PALM: variants seen among roughly 807,000 people sequenced by gnomAD.
The protein encoded by PALM is paralemmin.
A neutral mutation model predicts 30.7 loss-of-function variants in PALM; 18 were observed. That is an observed-to-expected ratio of 0.59 (90% confidence interval 0.41 to 0.87). The LOEUF (loss-of-function observed/expected upper bound fraction) is 0.87. Ranked by LOEUF, PALM falls within the 40% of genes least tolerant of loss-of-function variation. The pLI, the probability that PALM is intolerant of heterozygous loss-of-function variation, is 0.00. For synonymous variants in PALM, 286 were observed against 242.8 expected (o/e 1.18, Z -1.66); for missense variants, 529 against 555.4 (o/e 0.95, Z 0.48).
chr19:716,425 AAG>A (rs908772014), intron 1 of PALM, among the ~76,000 whole-genome samples: 1 of 151,500 alleles, frequency 6.6e-6, no homozygotes, highest in Non-Finnish European at 1.5e-5. Context: ...AAAAAAAAAA[AAG>A]AAAGTTTAGA....
In PALM at chr19:733,732, A is replaced by T. The variant is rs75378919; in HGVS notation, c.421-441A>T. Among the ~76,000 whole-genome samples, 2,992 of 152,294 alleles carry T rather than the reference A, an allele frequency of 0.02. 237 individuals carry two copies. The East Asian group carries it at 0.28, about 14-fold the overall frequency. ...AGCGGACGTGGTGGCTCAGCCTGTA[A>T]TCCCGGCACTTTGGGAGGCCGAGGT... is the stretch of plus-strand genomic sequence containing the variant. On this transcript the variant is annotated intron_variant, in intron 5 of 8. Coordinates refer to ENST00000338448, the MANE Select transcript of PALM (RefSeq NM_002579.3).
Position 731,550 on chromosome 19 carries a change from A to AGC in PALM, c.420+305_420+306insGC, listed in dbSNP as rs144044945. Among the ~76,000 whole-genome samples the AGC allele has an allele frequency of 5.0e-4, 60 of 119,030 alleles. 1 individual carries two copies. Among genetic ancestry groups the AGC allele is most frequent in the Middle Eastern group, 4.4e-3 (1 of 228 alleles). 78.1% of individuals were successfully genotyped at this position (119,030 alleles called of 152,430 possible). A position where few individuals can be genotyped will look rare whatever the true frequency, so the allele number is the denominator to read the frequency against. On this transcript the variant is annotated intron_variant, in intron 5 of 8. Transcript: ENST00000338448. ...CTGGGGGCATCAGAAGGGCTCAGGG[A>AGC]AGCAGGAGACCCACCTGGGGGCATC...
chr19:713,667 C>T (rs182202717), intron 1 of PALM, among the ~76,000 whole-genome samples: 1 of 152,066 alleles, frequency 6.6e-6, no homozygotes, highest in African/African-American at 2.4e-5. Flanking sequence ...CAACCTCTGC[C>T]TCCTGGGTTC....
At chr19:716,050 C>T (rs1396808209) in intron 1 of PALM, among the ~76,000 whole-genome samples, 1 of 152,010 alleles carries the variant, frequency 6.6e-6, no homozygotes, top group Non-Finnish European at 1.5e-5. Flanking sequence ...ACAGTCAGAG[C>T]CAGTCACCAG....
At chr19:733,208 G>A (rs2032924537) in intron 5 of PALM, among the ~76,000 whole-genome samples, 1 of 152,212 alleles carries the variant, frequency 6.6e-6, no homozygotes, top group Non-Finnish European at 1.5e-5. Context: ...TTAGAGGCAT[G>A]AGCCACCGTG....
intron 1 of PALM, among the ~76,000 whole-genome samples, chr19:710,838 G>A (rs1182856961): frequency 6.6e-5 from 10 of 152,330 alleles, no homozygotes; most frequent in South Asian, 4.1e-4. Flanking sequence ...GCTGTGAGCC[G>A]CCATTCGAGG....
intron 2 of PALM, 104 bp from the exon 3 acceptor site, chr19:726,904 C>G (rs576698390): frequency 1.4e-6 from 1 of 728,474 alleles, no homozygotes; most frequent in Non-Finnish European, 2.3e-6. Flanking sequence ...CGAGGATCCC[C>G]GGACAGAGGA....
intron 1 of PALM, among the ~76,000 whole-genome samples, chr19:720,097 G>T (rs1016240978): frequency 6.6e-6 from 1 of 151,836 alleles, no homozygotes; most frequent in Non-Finnish European, 1.5e-5. Context: ...CAGCGCGGGG[G>T]AGAAATTCCC....
chr19:722,070 C>G (rs1421231865), intron 1 of PALM, among the ~76,000 whole-genome samples: 2 of 152,144 alleles, frequency 1.3e-5, no homozygotes, highest in East Asian at 3.8e-4. Context: ...AGGCACCCGC[C>G]ACCACGCCGG....
At chr19:745,236 T>C (rs1218421062) in intron 8 of PALM, among the ~76,000 whole-genome samples, 2 of 152,154 alleles carry the variant, frequency 1.3e-5, no homozygotes, top group Non-Finnish European at 2.9e-5. Context: ...GGTCCTGTCT[T>C]GTAGAAGAGA....
intron 1 of PALM, among the ~76,000 whole-genome samples, chr19:714,283 G>A (rs1043998181): frequency 4.7e-5 from 7 of 148,810 alleles, no homozygotes; most frequent in South Asian, 2.1e-4. Context: ...AAAGTGATCC[G>A]CCCACCTCGG....
chr19:734,423 G>A (rs561390964), intron 6 of PALM: 2 of 556,548 alleles, frequency 3.6e-6, no homozygotes, highest in Non-Finnish European at 3.2e-6. Flanking sequence ...CAATTAGCCG[G>A]GTGTGGTGGC....
chr19:729,077 A>C (rs2032785328), intron 4 of PALM, among the ~76,000 whole-genome samples: 1 of 152,072 alleles, frequency 6.6e-6, no homozygotes, highest in Non-Finnish European at 1.5e-5. Context: ...CTGTAATGCC[A>C]GCACTTTGGG....
At chr19:726,453 G>A (rs55844060) in intron 2 of PALM, among the ~76,000 whole-genome samples, 2 of 152,242 alleles carry the variant, frequency 1.3e-5, no homozygotes, top group African/African-American at 2.4e-5. Context: ...CCCTGCCCTC[G>A]TCCTGCAGGA....
chr19:736,249 G>C, intron 7 of PALM, 171 bp downstream of exon 7: 1 of 548,002 alleles, frequency 1.8e-6, no homozygotes, highest in Non-Finnish European at 3.1e-6. Flanking sequence ...CCGAGCCTGG[G>C]GTGGGGGCCC....
chr19:721,799 T>C (rs1267948075), intron 1 of PALM, among the ~76,000 whole-genome samples: 1 of 151,924 alleles, frequency 6.6e-6, no homozygotes. Flanking sequence ...GGTTTCTCCA[T>C]GTTAGTCAGG....
rs1457190933 is a variant in PALM, at chr19:740,485, T to C, written c.634+2T>C. 1 of 1,549,856 alleles carries C rather than the reference T, an allele frequency of 6.5e-7. No homozygotes were observed. Among genetic ancestry groups the C allele is most frequent in the Non-Finnish European group, 8.7e-7 (1 of 1,146,058 alleles). ...AAGTCTACGAGGACGAGACCAAAGG[T>C]ACGAGCACCCCGGCCCCTGCCCTCC... On this transcript the variant is annotated splice_donor_variant, in intron 8 of 8. Transcript: ENST00000338448. LOFTEE classifies it high-confidence loss of function.
At chr19:724,226 C>T (rs1435024617) in intron 1 of PALM, among the ~76,000 whole-genome samples, 2 of 152,132 alleles carry the variant, frequency 1.3e-5, no homozygotes, top group Non-Finnish European at 2.9e-5. Context: ...GTTTCTGGAC[C>T]TCCTTCCCAC....
Position 747,427 on chromosome 19 carries a change from A to G in PALM, c.*613A>G, listed in dbSNP as rs1304053008. Reference sequence around the variant, plus strand: ...CCCTATGCCCTGTGTGGGCCCAACCAGTGGACAATGGAGTCTGGGGGAGGG... The same window carrying G: ...CCCTATGCCCTGTGTGGGCCCAACCGGTGGACAATGGAGTCTGGGGGAGGG... On this transcript the variant is annotated 3_prime_UTR_variant, in exon 9 of 9. Coordinates refer to ENST00000338448, the MANE Select transcript of PALM (RefSeq NM_002579.3). 6.5e-6 allele frequency: 1 copy of G among 152,974 alleles called. No individual in the cohort carries two copies. The allele number at this position is 152,974 out of a possible 1,614,324, so 9.5% of individuals were successfully genotyped here. A position where few individuals can be genotyped will look rare whatever the true frequency, so the allele number is the denominator to read the frequency against.
Sources: gnomAD v4.1 joint callset for allele counts (sites outside exome capture counted in the v4.1 genomes callset) on GRCh38, gnomAD v4.1.1 for gene constraint, MANE v1.5 for transcripts, NCBI Gene and HGNC (gene_info 2026-07-23, HGNC 2026-07-21) for gene names.